The following MEF2C variants were observed in gnomAD, a reference collection of about 807,000 sequenced individuals.
MEF2C encodes the protein myocyte enhancer factor 2C.
In MEF2C, 6 loss-of-function variants were observed where a neutral mutation model predicts 50.5. The ratio of observed to expected loss-of-function variants is 0.12; its 90% CI spans 0.07 to 0.23. MEF2C has a LOEUF of 0.23. Ranked by LOEUF, MEF2C falls within the 10% of genes least tolerant of loss-of-function variation. The pLI is 1.00. For synonymous variants in MEF2C, 183 were observed against 228.0 expected, an observed-to-expected ratio of 0.80 and a Z score of 1.78; for missense variants, 276 against 605.0, an observed-to-expected ratio of 0.46 and a Z score of 5.70.
At chr5:88,764,807 C>CAAA (rs869119169) in intron 3 of MEF2C, among the ~76,000 whole-genome samples, 535 of 71,948 alleles carry the variant, frequency 7.4e-3, no homozygotes, top group African/African-American at 8.2e-3. Flanking sequence ...GACTCCATCT[C>CAAA]AAAAAAAAAA....
At chr5:88,799,763 C>G (rs1298242333) in intron 3 of MEF2C, among the ~76,000 whole-genome samples, 2 of 151,700 alleles carry the variant, frequency 1.3e-5, no homozygotes, top group East Asian at 3.9e-4. Context: ...CAGGTGACAG[C>G]AAATAAAATT....
At chr5:88,744,056 A>C (rs1447099192) in intron 6 of MEF2C, 9 of 978,086 alleles carry the variant, frequency 9.2e-6, no homozygotes, top group Non-Finnish European at 1.1e-5. Context: ...ACTATGAATC[A>C]ATAACTCCTT....
At chr5:88,741,446 G>A in intron 6 of MEF2C, 3 of 985,268 alleles carry the variant, frequency 3.0e-6, no homozygotes, top group Non-Finnish European at 3.6e-6. Flanking sequence ...ACTTTCCTTG[G>A]TTGTTTTATT....
At chr5:88,766,975 T>G (rs2152735869) in intron 3 of MEF2C, among the ~76,000 whole-genome samples, 1 of 152,302 alleles carries the variant, frequency 6.6e-6, no homozygotes, top group South Asian at 2.1e-4. Context: ...AGTAAATTCA[T>G]GTAGGAATAG....
chr5:88,843,005 C>A (rs1312080510), intron 1 of MEF2C, among the ~76,000 whole-genome samples: 1 of 152,080 alleles, frequency 6.6e-6, no homozygotes, highest in Admixed American at 6.5e-5. Context: ...CTCCTTCAGT[C>A]CTGCTCTAGA....
chr5:88,745,876 T>G (rs1769262237), intron 6 of MEF2C, among the ~76,000 whole-genome samples: 1 of 152,200 alleles, frequency 6.6e-6, no homozygotes, highest in African/African-American at 2.4e-5. Flanking sequence ...CCTTGTGCAA[T>G]TACTTAATTT....
chr5:88,741,745 G>A (rs1766922064), intron 6 of MEF2C: 1 of 984,812 alleles, frequency 1.0e-6, no homozygotes, highest in Non-Finnish European at 1.2e-6. Flanking sequence ...ACTGGAGGTG[G>A]TGGGTGGACT....
At chr5:88,791,787 A>G (rs1793875299) in intron 3 of MEF2C, among the ~76,000 whole-genome samples, 1 of 152,246 alleles carries the variant, frequency 6.6e-6, no homozygotes, top group African/African-American at 2.4e-5. Flanking sequence ...TACAGGTACT[A>G]ATAAAAGTCT....
intron 1 of MEF2C, among the ~76,000 whole-genome samples, chr5:88,882,653 T>A (rs114260031): frequency 0.016 from 2,373 of 152,240 alleles, 19 homozygotes; most frequent in Non-Finnish European, 0.022. Context: ...CTCCACCATA[T>A]CAAACATGCT....
At chr5:88,857,595 GA>G (rs1823911430) in intron 1 of MEF2C, among the ~76,000 whole-genome samples, 1 of 152,180 alleles carries the variant, frequency 6.6e-6, no homozygotes. Context: ...TAATGGGAGA[GA>G]CCAAGTGGAG....
chr5:88,751,802 C>A, intron 5 of MEF2C, 55 bp downstream of exon 5: 1 of 1,561,652 alleles, frequency 6.4e-7, no homozygotes. Context: ...GTTGGCTTTG[C>A]CGAAAATGGT....
Position 88,752,810 on chromosome 5 carries a change from C to T in MEF2C, c.403-767G>A, listed in dbSNP as rs992922335. 6.2e-6 allele frequency: 6 copies of T among 965,448 alleles called. No homozygotes were observed. In the African/African-American group the frequency reaches 1.1e-4, roughly 17 times the overall value. 59.8% of individuals were successfully genotyped at this position (965,448 alleles called of 1,614,324 possible). A position where few individuals can be genotyped will look rare whatever the true frequency, so the allele number is the denominator to read the frequency against. On this transcript the variant is annotated intron_variant, in intron 4 of 10. Coordinates refer to ENST00000504921, the MANE Select transcript of MEF2C (RefSeq NM_002397.5). ...ATTGATTTTTGAGTAATTATTTTGT[C>T]AATTTAAGCAAAATCATGTTTATGT...
At chr5:88,799,734 CA>C (rs1327515789) in intron 3 of MEF2C, among the ~76,000 whole-genome samples, 92 of 152,168 alleles carry the variant, frequency 6.0e-4, no homozygotes, top group African/African-American at 1.6e-3. Flanking sequence ...GTCTCTAAAT[CA>C]AAACAGAAGT....
chr5:88,728,028 T>C (rs1252542541), intron 10 of MEF2C, among the ~76,000 whole-genome samples: 2 of 152,000 alleles, frequency 1.3e-5, no homozygotes, highest in Non-Finnish European at 2.9e-5. Context: ...TATCTATAAG[T>C]ATACAACTAT....
chr5:88,857,934 C>T (rs558390111), intron 1 of MEF2C, among the ~76,000 whole-genome samples: 1 of 152,264 alleles, frequency 6.6e-6, no homozygotes, highest in East Asian at 1.9e-4. Flanking sequence ...TGGTCCAAGT[C>T]TAGAGGACGC....
At chr5:88,815,335 A>G (rs1022119240) in intron 2 of MEF2C, among the ~76,000 whole-genome samples, 2 of 151,986 alleles carry the variant, frequency 1.3e-5, no homozygotes, top group Admixed American at 6.6e-5. Context: ...CCTAACTCCA[A>G]TATTTTCTCC....
chr5:88,886,306 G>A (rs1031295444), upstream of MEF2C, among the ~76,000 whole-genome samples: 2 of 152,074 alleles, frequency 1.3e-5, no homozygotes, highest in Non-Finnish European at 2.9e-5. Context: ...CTGGACTTTT[G>A]GTTTCTGTTT....
intron 5 of MEF2C, chr5:88,749,997 T>G (rs968083029): frequency 1.6e-5 from 3 of 185,584 alleles, no homozygotes; most frequent in African/African-American, 7.2e-5. Context: ...GCCACTGCAC[T>G]CCAGCCTGGG....
At chr5:88,767,081 G>A (rs1399347856) in intron 3 of MEF2C, among the ~76,000 whole-genome samples, 1 of 152,226 alleles carries the variant, frequency 6.6e-6, no homozygotes, top group Non-Finnish European at 1.5e-5. Context: ...TCACGCTGCT[G>A]CTGTTTCCTG....
Sources: gnomAD v4.1 joint callset for allele counts (sites outside exome capture counted in the v4.1 genomes callset) on GRCh38, gnomAD v4.1.1 for gene constraint, MANE v1.5 for transcripts, NCBI Gene and HGNC (gene_info 2026-07-23, HGNC 2026-07-21) for gene names.